The following SULF2 variants were observed in gnomAD, a reference collection of about 807,000 sequenced individuals.
SULF2 encodes the protein sulfatase 2, also known as extracellular sulfatase Sulf-2.
SULF2 carries 52 observed loss-of-function variants against 107.7 expected under a neutral mutation model. The ratio of observed to expected loss-of-function variants is 0.48; its 90% confidence interval spans 0.39 to 0.61. SULF2 has a LOEUF of 0.61. SULF2 is among the 20% of genes least tolerant of loss of function. The pLI, the probability that SULF2 is intolerant of heterozygous loss-of-function variation, is 0.00. For synonymous variants in SULF2, 460 were observed against 464.3 expected, an observed-to-expected ratio of 0.99 and a Z score of 0.12; for missense variants, 993 against 1,177.3, an observed-to-expected ratio of 0.84 and a Z score of 2.29.
chr20:47,660,961 C>T (rs1374719706), intron 18 of SULF2, among the ~76,000 whole-genome samples: 1 of 152,160 alleles, frequency 6.6e-6, no homozygotes, highest in Non-Finnish European at 1.5e-5. Flanking sequence ...CACCTCTAGT[C>T]CAAGCCACCA....
At chr20:47,672,577 A>G in intron 10 of SULF2, 184 bp from the exon 11 acceptor site, 1 of 983,272 alleles carries the variant, frequency 1.0e-6, no homozygotes. Flanking sequence ...CCTTGGGCAG[A>G]GCTACCATCA....
intron 10 of SULF2, among the ~76,000 whole-genome samples, chr20:47,675,878 T>C (rs983461457): frequency 2.6e-5 from 4 of 152,090 alleles, no homozygotes; most frequent in Non-Finnish European, 4.4e-5. Flanking sequence ...TTTTTTCTTA[T>C]GTTTTTAGAG....
At position 47,736,773 on chromosome 20, in the gene SULF2, C is replaced by T. The variant is rs1362284130; in HGVS notation, c.345G>A (p.Ser115=). 28 of 1,614,064 alleles carry T rather than the reference C, an allele frequency of 1.7e-5. 1 individual carries two copies. Among genetic ancestry groups the T allele is most frequent in the South Asian group, 9.9e-5 (9 of 91,082 alleles). ...NTYTNNENCS[S]PSWQAQHESR... is the part of the protein sequence containing the mutation. ...TCTCGTGCTGTGCCTGCCAGGAGGG[C>T]GAGGAGCAGTTCTCATTGTTGGTGT... The change falls in exon 3 of 21, where the codon TCG becomes TCA. Residue 115 remains serine (S), a synonymous_variant. Transcript: ENST00000688720.
chr20:47,739,693 C>T (rs2089832096), intron 2 of SULF2, among the ~76,000 whole-genome samples: 1 of 152,226 alleles, frequency 6.6e-6, no homozygotes, highest in African/African-American at 2.4e-5. Flanking sequence ...TTGTATGTTG[C>T]TGCCTTCACC....
chr20:47,729,790 G>A (rs1387795056), intron 3 of SULF2, among the ~76,000 whole-genome samples: 1 of 152,158 alleles, frequency 6.6e-6, no homozygotes, highest in East Asian at 1.9e-4. Context: ...TCAGGGCAAG[G>A]GGCTAAGGGT....
chr20:47,763,679 C>A (rs191581928), intron 1 of SULF2, among the ~76,000 whole-genome samples: 44 of 152,348 alleles, frequency 2.9e-4, no homozygotes, highest in Middle Eastern at 3.4e-3. Flanking sequence ...AGAACCTGAT[C>A]ATTTCTCTCT....
chr20:47,730,696 C>A (rs1311698519), intron 3 of SULF2, among the ~76,000 whole-genome samples: 2 of 152,250 alleles, frequency 1.3e-5, no homozygotes, highest in African/African-American at 2.4e-5. Flanking sequence ...GATCCACCCT[C>A]CTCGGCTTCC....
intron 1 of SULF2, among the ~76,000 whole-genome samples, chr20:47,781,328 G>A (rs1054971495): frequency 2.6e-5 from 4 of 152,244 alleles, no homozygotes; most frequent in Admixed American, 1.3e-4. Flanking sequence ...TCCAGCAACC[G>A]GGCTTCCCTT....
chr20:47,659,449 C>G lies in SULF2; in HGVS notation c.2532G>C (p.Gln844His). ...TTTCTGGCCACTTTCGACGCTGAAA[C>G]TGCCTAAGTTTTCAAGTGTCAAAGG... ...KDGGSYEQYRQFQRRKWPEMK... is the reference protein window; with the variant it reads ...KDGGSYEQYRHFQRRKWPEMK... The change falls in exon 20 of 21, where the codon CAG becomes CAC. Residue 844 changes from glutamine to histidine, a missense_variant. This residue lies in a region of SULF2 where 497 missense variants were observed against 544.1 expected (regional missense o/e 0.91). Coordinates refer to ENST00000688720, the MANE Select transcript of SULF2 (RefSeq NM_001387048.1). The G allele has an allele frequency of 6.2e-7, 1 of 1,614,104 alleles. No individual in the cohort carries two copies. The highest frequency in any genetic ancestry group is 8.5e-7 in the Non-Finnish European group (1 of 1,179,986).
chr20:47,695,522 G>C (rs28375740), intron 4 of SULF2, among the ~76,000 whole-genome samples: 12,077 of 152,188 alleles, frequency 0.079, 528 homozygotes, highest in African/African-American at 0.12. Flanking sequence ...TCATGTAAGG[G>C]AATCATGCAG....
chr20:47,706,030 C>T (rs1447553077), intron 3 of SULF2, among the ~76,000 whole-genome samples: 2 of 152,036 alleles, frequency 1.3e-5, no homozygotes, highest in Non-Finnish European at 2.9e-5. Flanking sequence ...AACTCCTGAC[C>T]TCAAGTGATC....
At position 47,689,162 on chromosome 20, in the gene SULF2, T is replaced by C. The variant is rs142711780; in HGVS notation, c.737+964A>G. On this transcript the variant is annotated intron_variant, in intron 5 of 20. Transcript: ENST00000688720. The stretch of plus-strand genomic sequence containing the variant: ...TACCTTACCTCTCTGTGCCTCAGTT[T>C]CTTCATCTGTAAAATGGGAATACCA... Among the ~76,000 whole-genome samples the C allele has an allele frequency of 6.8e-4, 104 of 152,292 alleles. 1 individual carries two copies. The highest frequency in any genetic ancestry group is 6.8e-3 in the Middle Eastern group (2 of 294).
chr20:47,736,838 A>T lies in SULF2; in HGVS notation c.280T>A (p.Ser94Thr). ...TTPMCCPSRS[S>T]ILTGKYVHNH... ...TGGACGTACTTGCCAGTGAGGATGG[A>T]GGAGCGTGAGGGGCAGCACATGGGT... is the stretch of plus-strand genomic sequence containing the variant. Residue 94 changes from serine (S) to threonine (T), a missense_variant, in exon 3 of 21, where the codon TCC (serine) becomes ACC (threonine). By Grantham distance (58) the Ser-to-Thr change is moderately conservative (BLOSUM62 1). Around this residue, in one of 3 missense-constraint regions of SULF2, gnomAD observed 388 missense variants for 449.2 expected, o/e 0.86. Coordinates refer to ENST00000688720, the MANE Select transcript of SULF2 (RefSeq NM_001387048.1). The T allele has an allele frequency of 2.5e-6, 4 of 1,614,216 alleles. No individual in the cohort carries two copies. The highest frequency in any genetic ancestry group is 3.4e-6 in the Non-Finnish European group (4 of 1,180,022).
intron 9 of SULF2, 122 bp downstream of exon 9, chr20:47,676,955 CT>C (rs1444397409): frequency 9.1e-7 from 1 of 1,095,890 alleles, no homozygotes; most frequent in Non-Finnish European, 1.3e-6. Context: ...GTTTAGGGGC[CT>C]TTGGACCAAC....
At chr20:47,688,449 CA>C (rs1396715275) in intron 5 of SULF2, among the ~76,000 whole-genome samples, 1 of 152,216 alleles carries the variant, frequency 6.6e-6, no homozygotes, top group Non-Finnish European at 1.5e-5. Flanking sequence ...ACAATTTCAT[CA>C]TGAAATTCCG....
rs8184264 is a variant in SULF2, at chr20:47,784,326, A to C, written c.-101+1017T>G. On this transcript the variant is annotated intron_variant, in intron 1 of 20. Coordinates refer to ENST00000688720, the MANE Select transcript of SULF2 (RefSeq NM_001387048.1). ...AATTAAATATTGACTTTTAACTCAA[A>C]AAGTGATTAAAACAAGCTGCAGGAA... Among the ~76,000 whole-genome samples the C allele has an allele frequency of 1.5e-4, 23 of 152,300 alleles. No homozygotes were observed. The East Asian group carries it at 4.4e-3, about 29-fold the overall frequency.
At position 47,693,910 on chromosome 20, in the gene SULF2, A is replaced by G. The variant is rs150576930; in HGVS notation, c.568-3615T>C. On this transcript the variant is annotated intron_variant, in intron 4 of 20. Coordinates refer to ENST00000688720, the MANE Select transcript of SULF2 (RefSeq NM_001387048.1). ...CACCAATAGATGTGAAGCTCTTGCC[A>G]TAGTGTCCTGTGCACAGCCAGCTCT... is the stretch of plus-strand genomic sequence containing the variant. Among the ~76,000 whole-genome samples the G allele has an allele frequency of 4.5e-3, 681 of 152,280 alleles. 4 individuals carry two copies. The highest frequency in any genetic ancestry group is 0.015 in the African/African-American group (634 of 41,556).
chr20:47,783,884 T>C (rs559230321), intron 1 of SULF2, among the ~76,000 whole-genome samples: 26 of 152,314 alleles, frequency 1.7e-4, no homozygotes, highest in African/African-American at 6.0e-4. Context: ...CTCTATGATG[T>C]GGGAGAGACG....
At chr20:47,687,086 G>C (rs1602645283) in intron 5 of SULF2, among the ~76,000 whole-genome samples, 1 of 152,208 alleles carries the variant, frequency 6.6e-6, no homozygotes, top group Non-Finnish European at 1.5e-5. Context: ...CCGGATTCCA[G>C]GATGCAATTT....
Sources: allele counts gnomAD v4.1 joint callset (sites outside exome capture counted in the v4.1 genomes callset), GRCh38; gene constraint gnomAD v4.1.1; regional missense constraint gnomAD v4.1.1; transcripts MANE v1.5; gene names NCBI Gene and HGNC (gene_info 2026-07-23, HGNC 2026-07-21).